NHS: variants seen among roughly 807,000 people sequenced by gnomAD.
NHS encodes NHS actin remodeling regulator, also known as actin remodeling regulator NHS.
A neutral mutation model predicts 72.5 loss-of-function variants in NHS; 5 were observed. The observed-to-expected ratio is 0.07, with a 90% CI of 0.04 to 0.14. The LOEUF is 0.14. Among genes scored for constraint, NHS ranks in the 10% least tolerant of loss-of-function variants. The pLI is 1.00. For missense variants in NHS, 1,072 were observed against 1,355.7 expected, an observed-to-expected ratio of 0.79 and a Z score of 3.29; for synonymous variants, 464 against 547.7, an observed-to-expected ratio of 0.85 and a Z score of 2.13.
chrX:17,434,600 C>T (rs1369509275), intron 1 of NHS, among the ~76,000 whole-genome samples: 5 of 109,688 alleles, frequency 4.6e-5, no homozygotes, highest in Non-Finnish European at 9.5e-5. Flanking sequence ...CCCACCACCA[C>T]GCCCAGCTAA....
intron 1 of NHS, among the ~76,000 whole-genome samples, chrX:17,377,902 A>G (rs113825054): frequency 8.9e-6 from 1 of 112,271 alleles, no homozygotes; most frequent in Non-Finnish European, 1.9e-5. Flanking sequence ...TGAGCGCTTT[A>G]ATCCTGCCTC....
chrX:17,492,578 T>A (rs776842098), intron 1 of NHS, among the ~76,000 whole-genome samples: 1 of 112,305 alleles, frequency 8.9e-6, no homozygotes, highest in African/African-American at 3.2e-5. Context: ...TTAGAATAAG[T>A]GAAATGTGTT....
At chrX:17,582,361 A>G (rs1438103660) in intron 1 of NHS, among the ~76,000 whole-genome samples, 2 of 112,145 alleles carry the variant, frequency 1.8e-5, no homozygotes, top group Non-Finnish European at 3.8e-5. Flanking sequence ...GAAGAGGGAT[A>G]ACTAAGAATT....
At chrX:17,635,396 G>A in intron 1 of NHS, 1 of 1,157,859 alleles carries the variant, frequency 8.6e-7, no homozygotes, top group Non-Finnish European at 1.2e-6. Flanking sequence ...CAGCACAGAG[G>A]TTCTGTGAAA....
intron 1 of NHS, among the ~76,000 whole-genome samples, chrX:17,589,199 G>A (rs747243797): frequency 9.0e-6 from 1 of 111,566 alleles, no homozygotes; most frequent in South Asian, 3.8e-4. Flanking sequence ...GGGAACAGGT[G>A]GCATTTGGTT....
intron 1 of NHS, among the ~76,000 whole-genome samples, chrX:17,502,785 T>A (rs1347569278): frequency 1.1e-5 from 1 of 93,005 alleles, no homozygotes; most frequent in African/African-American, 4.1e-5. Context: ...CGAGACTCCG[T>A]CTCAAAAAAA....
intron 1 of NHS, among the ~76,000 whole-genome samples, chrX:17,507,815 GA>G (rs1476574704): frequency 9.0e-6 from 1 of 111,596 alleles, no homozygotes; most frequent in Non-Finnish European, 1.9e-5. Flanking sequence ...TAGGAGTCAA[GA>G]ATGACATTCA....
intron 1 of NHS, among the ~76,000 whole-genome samples, chrX:17,507,768 C>G (rs775401567): frequency 1.8e-5 from 2 of 111,595 alleles, no homozygotes; most frequent in Non-Finnish European, 3.8e-5. Flanking sequence ...GTGTGTTCCT[C>G]TGTCTCTAGA....
At chrX:17,480,684 A>G (rs888285293) in intron 1 of NHS, among the ~76,000 whole-genome samples, 25 of 111,996 alleles carry the variant, frequency 2.2e-4, no homozygotes, top group Admixed American at 1.0e-3. Flanking sequence ...CGTTTTAATT[A>G]ATTTAAATTT....
At chrX:17,521,709 TTA>T (rs1268346815) in intron 1 of NHS, among the ~76,000 whole-genome samples, 3 of 112,124 alleles carry the variant, frequency 2.7e-5, no homozygotes, top group Non-Finnish European at 3.8e-5. Flanking sequence ...ATCTAATGCA[TTA>T]TATGTTTCCA....
At chrX:17,433,089 G>T (rs1016397509) in intron 1 of NHS, among the ~76,000 whole-genome samples, 1 of 109,029 alleles carries the variant, frequency 9.2e-6, no homozygotes, top group African/African-American at 3.3e-5. Context: ...GAGTTCAGTG[G>T]CGCAATCTCG....
intron 1 of NHS, among the ~76,000 whole-genome samples, chrX:17,666,522 G>C (rs1205711338): frequency 8.9e-6 from 1 of 112,553 alleles, no homozygotes; most frequent in African/African-American, 3.2e-5. Context: ...TGGACATCCA[G>C]CTCCTCTGGG....
At chrX:17,410,516 CTTTTTTTTTT>C (rs200959395) in intron 1 of NHS, among the ~76,000 whole-genome samples, 2 of 82,227 alleles carry the variant, frequency 2.4e-5, no homozygotes, top group Non-Finnish European at 4.7e-5. Flanking sequence ...CAACTCTCTG[CTTTTTTTTTT>C]TTTTTTTTTT....
chrX:17,530,942 C>T (rs777970587), intron 1 of NHS, among the ~76,000 whole-genome samples: 26 of 111,495 alleles, frequency 2.3e-4, no homozygotes, highest in African/African-American at 7.2e-4. Flanking sequence ...GAATTTCAGG[C>T]GGGAGCCACC....
chrX:17,660,562 C>T (rs2065977597), intron 1 of NHS, among the ~76,000 whole-genome samples: 1 of 112,416 alleles, frequency 8.9e-6, no homozygotes, highest in Admixed American at 9.4e-5. Flanking sequence ...AGGCAAGGTT[C>T]AGCTGGGTCA....
intron 1 of NHS, among the ~76,000 whole-genome samples, chrX:17,527,249 T>C (rs66835664): frequency 0.28 from 31,904 of 112,281 alleles, 3,978 homozygotes; most frequent in Non-Finnish European, 0.4. Flanking sequence ...ATTAAGTGCA[T>C]TGGAGCCTTG....
chrX:17,459,529 A>T (rs2064838869), intron 1 of NHS, among the ~76,000 whole-genome samples: 1 of 112,437 alleles, frequency 8.9e-6, no homozygotes, highest in Non-Finnish European at 1.9e-5. Context: ...ACTTATTACA[A>T]ATTAAGCCCT....
intron 1 of NHS, among the ~76,000 whole-genome samples, chrX:17,679,008 C>A (rs1192930074): frequency 9.0e-6 from 1 of 111,024 alleles, no homozygotes; most frequent in Non-Finnish European, 1.9e-5. Flanking sequence ...ATTTTTCCTG[C>A]TGAAAAACCA....
At chrX:17,677,417 A>G (rs2066089206) in intron 1 of NHS, among the ~76,000 whole-genome samples, 1 of 110,901 alleles carries the variant, frequency 9.0e-6, no homozygotes, top group East Asian at 2.8e-4. Context: ...AAAAGGATGT[A>G]CCTTGCTGAT....
Sources: allele counts gnomAD v4.1 joint callset (sites outside exome capture counted in the v4.1 genomes callset), GRCh38; gene constraint gnomAD v4.1.1; transcripts MANE v1.5; gene names NCBI Gene and HGNC (gene_info 2026-07-23, HGNC 2026-07-21).